MYH10: variants seen among roughly 807,000 people sequenced by gnomAD.
MYH10 encodes myosin-10.
Under a neutral mutation model 257.8 loss-of-function variants are expected in MYH10, and 55 were observed. The observed-to-expected ratio is 0.21, with a 90% CI of 0.17 to 0.27. The LOEUF (loss-of-function observed/expected upper bound fraction) is 0.27, where lower values mean the gene tolerates loss of function less well. MYH10 is among the 10% of genes least tolerant of loss of function. MYH10 has a pLI of 1.00. For missense variants in MYH10, 1,631 were observed against 2,500.6 expected, an observed-to-expected ratio of 0.65 and a Z score of 7.42; for synonymous variants, 854 against 921.7, an observed-to-expected ratio of 0.93 and a Z score of 1.33.
intron 38 of MYH10, among the ~76,000 whole-genome samples, chr17:8,480,835 C>T (rs1334540672): frequency 2.6e-5 from 4 of 151,410 alleles, no homozygotes; most frequent in African/African-American, 2.4e-5. Flanking sequence ...GCTTTCAAAA[C>T]GCAAGCACGA....
rs1442438845 is a variant in MYH10, at chr17:8,569,995, T to C, written c.664-183A>G. On this transcript the variant is annotated intron_variant, in intron 6 of 42. Transcript: ENST00000360416. This position sits in a 1 kb window ranked among gnomAD's most constrained non-coding sequence, Gnocchi z 4.1. ...TCCTGGTTATGATAATGGACTCCAC[T>C]AAAGGAAAAAATTAGCATCTATAAA... Among the ~76,000 whole-genome samples, 1 of 152,002 alleles carries C rather than the reference T, an allele frequency of 6.6e-6. No homozygotes were observed. The highest frequency in any genetic ancestry group is 1.5e-5 in the Non-Finnish European group (1 of 68,000).
chr17:8,624,871 T>C (rs1236667732), intron 1 of MYH10, among the ~76,000 whole-genome samples: 2 of 152,170 alleles, frequency 1.3e-5, no homozygotes, highest in African/African-American at 2.4e-5. Context: ...CTGGGCAACA[T>C]AGCAAGATCC....
chr17:8,621,462 C>T (rs1235127380), intron 2 of MYH10, among the ~76,000 whole-genome samples: 3 of 152,108 alleles, frequency 2.0e-5, no homozygotes, highest in Non-Finnish European at 4.4e-5. Flanking sequence ...GCCCCCCACA[C>T]TCACAGACCT....
intron 21 of MYH10, among the ~76,000 whole-genome samples, chr17:8,517,131 ACT>A (rs1006490515): frequency 1.3e-5 from 2 of 151,924 alleles, no homozygotes; most frequent in Non-Finnish European, 2.9e-5. Flanking sequence ...ACAGAGCGAG[ACT>A]CTGTCTCAAA....
chr17:8,586,750 G>A (rs1348423157), intron 4 of MYH10, among the ~76,000 whole-genome samples: 2 of 152,078 alleles, frequency 1.3e-5, no homozygotes, highest in Admixed American at 6.6e-5. Flanking sequence ...AAGTACTCAC[G>A]AACTTTTGTT....
At chr17:8,533,966 T>C (rs1299558930) in intron 16 of MYH10, among the ~76,000 whole-genome samples, 2 of 152,128 alleles carry the variant, frequency 1.3e-5, no homozygotes, top group Non-Finnish European at 2.9e-5. Context: ...TCCTCACATA[T>C]TTCCCATCCA....
At chr17:8,543,048 C>T (rs1421900547) in intron 13 of MYH10, among the ~76,000 whole-genome samples, 2 of 152,306 alleles carry the variant, frequency 1.3e-5, no homozygotes, top group South Asian at 2.1e-4. Flanking sequence ...TGGGCGAATG[C>T]ATAGATGGGT....
chr17:8,560,924 A>G, intron 7 of MYH10: 7 of 478,556 alleles, frequency 1.5e-5, no homozygotes, highest in South Asian at 1.3e-4. Flanking sequence ...GAATGGTGAG[A>G]CTGGCAAGAA....
chr17:8,609,285 A>T (rs1176391940), intron 2 of MYH10, among the ~76,000 whole-genome samples: 1 of 152,204 alleles, frequency 6.6e-6, no homozygotes, highest in African/African-American at 2.4e-5. Flanking sequence ...CAGGGATTGA[A>T]CTGGGAATAT....
rs568499492 is a variant in MYH10, at chr17:8,514,975, G to A, written c.2505-1081C>T. Among the ~76,000 whole-genome samples, 87 of 152,152 alleles carry A rather than the reference G, an allele frequency of 5.7e-4. 1 individual carries two copies. Among genetic ancestry groups the A allele is most frequent in the African/African-American group, 1.7e-3 (72 of 41,508 alleles). The stretch of plus-strand genomic sequence containing the variant: ...ACGGCCTCCGAGTCTCCTGGGCCCC[G>A]CTAACAGTGCTGATGCTCCACTCCG... On this transcript the variant is annotated intron_variant, in intron 21 of 42. Transcript: ENST00000360416.
At chr17:8,520,688 A>G (rs1275624280) in intron 19 of MYH10, among the ~76,000 whole-genome samples, 190 bp downstream of exon 19, 6 of 152,096 alleles carry the variant, frequency 3.9e-5, no homozygotes, top group Non-Finnish European at 4.4e-5. Context: ...TAAAGTAGGC[A>G]CTCAATCTTC....
intron 32 of MYH10, among the ~76,000 whole-genome samples, 176 bp downstream of exon 32, chr17:8,493,557 G>A (rs572246319): frequency 6.6e-6 from 1 of 152,230 alleles, no homozygotes; most frequent in African/African-American, 2.4e-5. Flanking sequence ...TATTTTAAGG[G>A]CTTCCAGCAT....
At chr17:8,573,472 A>T (rs2083411022) in intron 6 of MYH10, among the ~76,000 whole-genome samples, 1 of 152,212 alleles carries the variant, frequency 6.6e-6, no homozygotes, top group African/African-American at 2.4e-5. Context: ...CTGGAAACAC[A>T]GGGAGACAAG....
chr17:8,630,491 A>G (rs948727742), intron 1 of MYH10, among the ~76,000 whole-genome samples, 163 bp downstream of exon 1: 2 of 151,774 alleles, frequency 1.3e-5, no homozygotes, highest in African/African-American at 4.8e-5. Context: ...CACAAACCCT[A>G]CAGCTCAGAA....
chr17:8,560,119 C>T (rs1341220981), intron 7 of MYH10, among the ~76,000 whole-genome samples: 1 of 152,172 alleles, frequency 6.6e-6, no homozygotes, highest in African/African-American at 2.4e-5. Context: ...CTTTCACCAA[C>T]ATGTATGTTT....
chr17:8,550,439 C>T (rs1440055190), intron 9 of MYH10, among the ~76,000 whole-genome samples: 5 of 147,640 alleles, frequency 3.4e-5, no homozygotes, highest in African/African-American at 5.1e-5. Context: ...AAGTGAGGAG[C>T]CCCTCCGCCC....
intron 31 of MYH10, among the ~76,000 whole-genome samples, chr17:8,494,475 G>A (rs1410589412): frequency 6.6e-6 from 1 of 152,136 alleles, no homozygotes; most frequent in African/African-American, 2.4e-5. Flanking sequence ...TGTCATGCAT[G>A]GGGTGTGCTT....
At chr17:8,487,734 C>T (rs1915115055) in intron 35 of MYH10, 140 bp from the exon 36 acceptor site, 4 of 959,416 alleles carry the variant, frequency 4.2e-6, no homozygotes, top group South Asian at 1.6e-5. Context: ...TGTTACCAAA[C>T]AGTTACTATC....
At chr17:8,621,618 T>C (rs1275129141) in intron 2 of MYH10, among the ~76,000 whole-genome samples, 3 of 152,234 alleles carry the variant, frequency 2.0e-5, no homozygotes, top group Non-Finnish European at 4.4e-5. Flanking sequence ...GGAAAAGGGT[T>C]GTTCCTAAGC....
Sources: gnomAD v4.1 joint callset for allele counts (sites outside exome capture counted in the v4.1 genomes callset) on GRCh38, gnomAD v4.1.1 for gene constraint, Gnocchi (gnomAD v3.1) non-coding constraint, MANE v1.5 for transcripts, NCBI Gene and HGNC (gene_info 2026-07-23, HGNC 2026-07-21) for gene names.